The following PAQR5 variants were observed in gnomAD, a reference collection of about 807,000 sequenced individuals.
The protein encoded by PAQR5 is membrane progestin receptor gamma.
A neutral mutation model predicts 34.5 loss-of-function variants in PAQR5; 20 were observed. That is an observed-to-expected ratio of 0.58 (90% CI 0.41 to 0.84). The LOEUF is 0.84. PAQR5 is among the 40% of genes least tolerant of loss of function. The pLI, the probability that PAQR5 is intolerant of heterozygous loss-of-function variation, is 0.00. For missense variants in PAQR5, 378 were observed against 412.7 expected (o/e 0.92, Z 0.73); for synonymous variants, 131 against 155.6 (o/e 0.84, Z 1.18).
intron 5 of PAQR5, among the ~76,000 whole-genome samples, chr15:69,386,008 C>T (rs1039345846): frequency 6.6e-5 from 10 of 150,940 alleles, no homozygotes; most frequent in Non-Finnish European, 1.0e-4. Flanking sequence ...ACACACTACA[C>T]TCACATAAAC....
intron 1 of PAQR5, among the ~76,000 whole-genome samples, chr15:69,300,865 C>CGT (rs1566986257): frequency 2.5e-4 from 5 of 20,238 alleles, no homozygotes; most frequent in African/African-American, 5.7e-4. Flanking sequence ...TTCTTTCTTT[C>CGT]TTTCTTTCTT....
intron 2 of PAQR5, among the ~76,000 whole-genome samples, chr15:69,347,097 C>T (rs991048325): frequency 3.9e-5 from 6 of 152,086 alleles, no homozygotes; most frequent in African/African-American, 1.4e-4. Flanking sequence ...GCTGAGATTA[C>T]AGGTGTGAGC....
chr15:69,368,101 TGCAGTGCA>T (rs1385762487), intron 3 of PAQR5, among the ~76,000 whole-genome samples: 5 of 151,976 alleles, frequency 3.3e-5, no homozygotes, highest in African/African-American at 1.2e-4. Flanking sequence ...TAGCCAAGGC[TGCAGTGCA>T]GTGGCACTAT....
intron 1 of PAQR5, among the ~76,000 whole-genome samples, chr15:69,315,451 G>A (rs2053924867): frequency 6.6e-6 from 1 of 152,164 alleles, no homozygotes; most frequent in Non-Finnish European, 1.5e-5. Flanking sequence ...AAGACCCAAG[G>A]GAATGGGTCT....
intron 1 of PAQR5, among the ~76,000 whole-genome samples, chr15:69,320,778 A>G (rs562742009): frequency 6.6e-6 from 1 of 152,352 alleles, no homozygotes; most frequent in South Asian, 2.1e-4. Flanking sequence ...AAAGTTCAAG[A>G]AGGGATACTA....
chr15:69,364,288 A>G (rs1250984372), intron 3 of PAQR5, among the ~76,000 whole-genome samples: 2 of 151,822 alleles, frequency 1.3e-5, no homozygotes, highest in East Asian at 3.9e-4. Context: ...TAGATCACCA[A>G]TGTCAGAATT....
chr15:69,391,529 T>C (rs1384183630), intron 6 of PAQR5: 1 of 389,486 alleles, frequency 2.6e-6, no homozygotes, highest in African/African-American at 2.1e-5. Context: ...CGGAAACAAG[T>C]CCAGCAGAGA....
rs150932122 is a variant in PAQR5, at chr15:69,360,707, C to T, written c.51+576C>T. 6.4e-3 allele frequency among the ~76,000 whole-genome samples: 977 copies of T among 152,306 alleles called. 5 individuals carry two copies. Among genetic ancestry groups the T allele is most frequent in the Non-Finnish European group, 9.8e-3 (670 of 68,022 alleles). ...CATAGGTGAGCCTGGTTGTGTGCTA[C>T]AGAGAACTGGTGCACTTCCTCCTTC... is the stretch of plus-strand genomic sequence containing the variant. On this transcript the variant is annotated intron_variant, in intron 3 of 8. Transcript: ENST00000395407.
intron 1 of PAQR5, among the ~76,000 whole-genome samples, chr15:69,304,897 T>C (rs2053680563): frequency 6.6e-6 from 1 of 152,200 alleles, no homozygotes; most frequent in South Asian, 2.1e-4. Flanking sequence ...AGCTTGCCAC[T>C]TGTTTTGGAG....
In PAQR5 at chr15:69,335,283, T is replaced by C. The variant is rs558192534; in HGVS notation, c.-276-2058T>C. Among the ~76,000 whole-genome samples the C allele has an allele frequency of 2.0e-5, 3 of 149,166 alleles. No individual in the cohort carries two copies. In the East Asian group the frequency reaches 6.0e-4, roughly 30 times the overall value. On this transcript the variant is annotated intron_variant, in intron 1 of 8. Transcript: ENST00000395407. ...TTTTTGAAATGGAGTTTTGCTCTTG[T>C]TGCCCAGGCTGGAGTGCAATGGCAT...
chr15:69,315,179 T>C (rs760299374), intron 1 of PAQR5, among the ~76,000 whole-genome samples: 1 of 152,056 alleles, frequency 6.6e-6, no homozygotes, highest in African/African-American at 2.4e-5. Context: ...CCCCACAGAC[T>C]GTTTATGGTG....
At chr15:69,301,715 GCCTC>G (rs1184265402) in intron 1 of PAQR5, among the ~76,000 whole-genome samples, 2 of 151,738 alleles carry the variant, frequency 1.3e-5, no homozygotes, top group African/African-American at 4.9e-5. Flanking sequence ...TATTAGCCTG[GCCTC>G]CCTGGTTGGC....
intron 7 of PAQR5, among the ~76,000 whole-genome samples, chr15:69,399,569 G>T (rs886128699): frequency 8.5e-5 from 13 of 152,176 alleles, no homozygotes; most frequent in Admixed American, 7.9e-4. Context: ...CATGTTAAGA[G>T]TCAACTGTAC....
chr15:69,381,139 C>A (rs2055874804), intron 4 of PAQR5, among the ~76,000 whole-genome samples: 1 of 152,148 alleles, frequency 6.6e-6, no homozygotes. Context: ...GCTCCAGGGG[C>A]CATTTGTCAT....
At chr15:69,340,915 G>T (rs1207638106) in intron 2 of PAQR5, among the ~76,000 whole-genome samples, 6 of 152,138 alleles carry the variant, frequency 3.9e-5, no homozygotes, top group African/African-American at 1.4e-4. Context: ...GGAAGATTTG[G>T]AGAAAATAAA....
chr15:69,384,322 C>G (rs569247506), intron 4 of PAQR5, among the ~76,000 whole-genome samples: 1 of 115,466 alleles, frequency 8.7e-6, no homozygotes, highest in East Asian at 2.9e-4. Context: ...GTGAGTGGGC[C>G]CTCCGTGTTC....
chr15:69,365,304 C>T (rs865982566), intron 3 of PAQR5, among the ~76,000 whole-genome samples: 1 of 151,296 alleles, frequency 6.6e-6, no homozygotes, highest in Non-Finnish European at 1.5e-5. Context: ...GATGGGGTTT[C>T]ATCATGTTGG....
rs147791620 is a variant in PAQR5 at position 69,322,027 on chromosome 15, C to T, written c.-276-15314C>T. On this transcript the variant is annotated intron_variant, in intron 1 of 8. Coordinates refer to ENST00000395407, the MANE Select transcript of PAQR5 (RefSeq NM_017705.4). The stretch of plus-strand genomic sequence containing the variant: ...AGCATTATAGAGCAGGTGACATTTG[C>T]GTTTAGCCATAACAAAAGGAAGAAT... Among the ~76,000 whole-genome samples, 306 of 152,152 alleles carry T rather than the reference C, an allele frequency of 2.0e-3. 3 individuals are homozygous for T. Among genetic ancestry groups the T allele is most frequent in the African/African-American group, 7.2e-3 (298 of 41,456 alleles).
chr15:69,359,180 G>A (rs1363118877), intron 2 of PAQR5, among the ~76,000 whole-genome samples: 2 of 152,256 alleles, frequency 1.3e-5, no homozygotes, highest in African/African-American at 4.8e-5. Flanking sequence ...CCACTCGTAA[G>A]GGCAGAGCCT....
Sources: allele counts gnomAD v4.1 joint callset (sites outside exome capture counted in the v4.1 genomes callset), GRCh38; gene constraint gnomAD v4.1.1; transcripts MANE v1.5; gene names NCBI Gene and HGNC (gene_info 2026-07-23, HGNC 2026-07-21).